Variants in PNLIPRP3 observed in about 807,000 individuals in gnomAD.
The protein encoded by PNLIPRP3 is pancreatic lipase related protein 3, also known as pancreatic lipase-related protein 3.
Under a neutral mutation model 52.8 loss-of-function variants are expected in PNLIPRP3, and 58 were observed. The ratio of observed to expected loss-of-function variants is 1.10; its 90% CI spans 0.89 to 1.37. PNLIPRP3 has a LOEUF of 1.37. Among genes scored for constraint, PNLIPRP3 ranks in the 40% most tolerant of loss-of-function variants. The probability of loss-of-function intolerance (pLI) is 0.00; values close to 1 mark genes in which losing one functional copy is unlikely to be tolerated. For synonymous variants in PNLIPRP3, 192 were observed against 185.0 expected (o/e 1.04, Z -0.31); for missense variants, 593 against 561.6 (o/e 1.06, Z -0.57).
intron 1 of PNLIPRP3, among the ~76,000 whole-genome samples, chr10:116,433,747 G>A (rs1163960284): frequency 1.3e-5 from 2 of 152,092 alleles, no homozygotes; most frequent in Non-Finnish European, 2.9e-5. Context: ...AACAGACACA[G>A]GCTCAAAACA....
rs558554839 is a variant in PNLIPRP3, at chr10:116,454,353, C to T, written c.457-1369C>T. On this transcript the variant is annotated intron_variant, in intron 4 of 11. Coordinates refer to ENST00000369230, the MANE Select transcript of PNLIPRP3 (RefSeq NM_001011709.3). ...CAGGCTGGTCTCGAACTCCTGACCT[C>T]GTGATCTGCCCGCCTCAGCCTCCCA... is the stretch of plus-strand genomic sequence containing the variant. Among the ~76,000 whole-genome samples the T allele has an allele frequency of 2.6e-5, 4 of 152,146 alleles. 1 individual carries two copies. Among genetic ancestry groups the T allele is most frequent in the South Asian group, 4.1e-4 (2 of 4,826 alleles).
In PNLIPRP3 at chr10:116,477,615, A is replaced by G. The variant is rs1846496470; in HGVS notation, c.*462A>G. The G allele has an allele frequency of 6.5e-6, 1 of 153,302 alleles. No homozygotes were observed. The highest frequency in any genetic ancestry group is 2.4e-5 in the African/African-American group (1 of 41,464). 9.5% of individuals were successfully genotyped at this position (153,302 alleles called of 1,614,324 possible). ...AAATTATGACTATAGTGCATGATAT[A>G]TAGTAGATTATAACCTTGTGGGTTG... On this transcript the variant is annotated 3_prime_UTR_variant, in exon 12 of 12. Transcript: ENST00000369230.
chr10:116,455,844 G>T lies in PNLIPRP3; in HGVS notation c.565+14G>T. On this transcript the variant is annotated intron_variant, in intron 5 of 11. Coordinates refer to ENST00000369230, the MANE Select transcript of PNLIPRP3 (RefSeq NM_001011709.3). ...GAAGAATAACTGGTAAGCATGCCCT[G>T]CAGTTGGGCCTTGAGTGTGTTTAAA... The T allele has an allele frequency of 6.3e-7, 1 of 1,584,616 alleles. No individual in the cohort carries two copies. The highest frequency in any genetic ancestry group is 8.7e-7 in the Non-Finnish European group (1 of 1,153,596).
chr10:116,462,598 G>A (rs533549728), intron 7 of PNLIPRP3, among the ~76,000 whole-genome samples: 1 of 152,078 alleles, frequency 6.6e-6, no homozygotes, highest in Non-Finnish European at 1.5e-5. Flanking sequence ...CCACACAACT[G>A]TCTAATCTAC....
At chr10:116,440,168 A>G (rs1845836546) in intron 2 of PNLIPRP3, 1 of 582,398 alleles carries the variant, frequency 1.7e-6, no homozygotes, top group East Asian at 2.8e-5. Flanking sequence ...TTATCCACTT[A>G]GGACTAACTC....
At chr10:116,441,793 C>T (rs1845862601) in intron 2 of PNLIPRP3, among the ~76,000 whole-genome samples, 1 of 152,076 alleles carries the variant, frequency 6.6e-6, no homozygotes, top group Admixed American at 6.5e-5. Flanking sequence ...CCTCAGAGTC[C>T]CCTTTTCTAA....
chr10:116,473,226 A>C (rs1846402626), intron 10 of PNLIPRP3, among the ~76,000 whole-genome samples: 1 of 152,216 alleles, frequency 6.6e-6, no homozygotes, highest in Non-Finnish European at 1.5e-5. Context: ...GTCATCTTGA[A>C]ATGAAGTCAG....
At chr10:116,471,946 C>A in intron 10 of PNLIPRP3, 67 bp downstream of exon 10, 1 of 917,220 alleles carries the variant, frequency 1.1e-6, no homozygotes, top group Non-Finnish European at 1.7e-6. Context: ...GTGAGACTGG[C>A]TCAGTAAGCT....
At chr10:116,441,376 G>C (rs1418668779) in intron 2 of PNLIPRP3, among the ~76,000 whole-genome samples, 1 of 152,172 alleles carries the variant, frequency 6.6e-6, no homozygotes, top group Non-Finnish European at 1.5e-5. Flanking sequence ...CTATTCTCAT[G>C]TTGAGAAAAG....
chr10:116,462,456 T>C (rs753911636), intron 7 of PNLIPRP3, among the ~76,000 whole-genome samples: 1 of 151,952 alleles, frequency 6.6e-6, no homozygotes, highest in Admixed American at 6.6e-5. Context: ...AGAGGAAAGA[T>C]ACAGAGATCA....
chr10:116,452,346 T>C (rs1399926383), intron 4 of PNLIPRP3, among the ~76,000 whole-genome samples: 1 of 152,118 alleles, frequency 6.6e-6, no homozygotes, highest in Non-Finnish European at 1.5e-5. Flanking sequence ...GTTTGGAAAA[T>C]TTGCAGCCTA....
chr10:116,462,880 C>G (rs1338287935), intron 7 of PNLIPRP3, among the ~76,000 whole-genome samples: 1 of 152,082 alleles, frequency 6.6e-6, no homozygotes, highest in Non-Finnish European at 1.5e-5. Flanking sequence ...TTTCCTATAA[C>G]TTTATTGGAT....
At chr10:116,439,720 T>C in intron 2 of PNLIPRP3, 2 of 770,736 alleles carry the variant, frequency 2.6e-6, no homozygotes, top group South Asian at 2.7e-5. Context: ...GGATTTGATC[T>C]AGGCGCAGAA....
At chr10:116,435,492 C>T (rs1372726142) in intron 1 of PNLIPRP3, among the ~76,000 whole-genome samples, 1 of 151,066 alleles carries the variant, frequency 6.6e-6, no homozygotes, top group Non-Finnish European at 1.5e-5. Context: ...GTGTATTGAC[C>T]GCATTGGAGG....
chr10:116,472,954 C>G (rs1846398833), intron 10 of PNLIPRP3, among the ~76,000 whole-genome samples: 1 of 152,238 alleles, frequency 6.6e-6, no homozygotes, highest in African/African-American at 2.4e-5. Context: ...CCTCTGAGAG[C>G]AGTTCAGCAT....
intron 7 of PNLIPRP3, among the ~76,000 whole-genome samples, chr10:116,461,613 A>T (rs1055469185): frequency 6.6e-6 from 1 of 152,234 alleles, no homozygotes; most frequent in Non-Finnish European, 1.5e-5. Context: ...AACAGCAAAT[A>T]TGGAAATGAA....
rs1846487630 is a variant in PNLIPRP3 at position 116,477,252 on chromosome 10, CTT to C, written c.*100_*101del. 4.1e-6 allele frequency: 4 copies of C among 965,426 alleles called. No homozygotes were observed. Among genetic ancestry groups the C allele is most frequent in the Middle Eastern group, 2.1e-4 (1 of 4,652 alleles). The allele number at this position is 965,426 out of a possible 1,614,324, so 59.8% of individuals were successfully genotyped here. The stretch of plus-strand genomic sequence containing the variant: ...GACCAAATTTGACCCTTGTAAATGA[CTT>C]AGTCATTTACAAGGGTCTTACTCAG... On this transcript the variant is annotated 3_prime_UTR_variant, in exon 12 of 12. Coordinates refer to ENST00000369230, the MANE Select transcript of PNLIPRP3 (RefSeq NM_001011709.3).
intron 4 of PNLIPRP3, among the ~76,000 whole-genome samples, chr10:116,452,206 G>A: frequency 6.6e-6 from 1 of 152,186 alleles, no homozygotes; most frequent in South Asian, 2.1e-4. Context: ...GTATCTAGCA[G>A]AAGAAGTTTC....
intron 4 of PNLIPRP3, among the ~76,000 whole-genome samples, chr10:116,454,409 C>T (rs1318986647): frequency 6.6e-6 from 1 of 152,198 alleles, no homozygotes; most frequent in East Asian, 1.9e-4. Context: ...TGAGCCCCCA[C>T]GCCTGGCAGA....
Sources: gnomAD v4.1 joint callset for allele counts (sites outside exome capture counted in the v4.1 genomes callset) on GRCh38, gnomAD v4.1.1 for gene constraint, MANE v1.5 for transcripts, NCBI Gene and HGNC (gene_info 2026-07-23, HGNC 2026-07-21) for gene names.